The following PSG3 variants were observed in gnomAD, a reference collection of about 807,000 sequenced individuals.
The protein encoded by PSG3 is pregnancy-specific beta-1-glycoprotein 3.
PSG3 carries 61 observed loss-of-function variants against 47.5 expected under a neutral mutation model. The ratio of observed to expected loss-of-function variants is 1.28; its 90% CI spans 1.05 to 1.59. The LOEUF is 1.59. Ranked by LOEUF, PSG3 falls within the 40% of genes most tolerant of loss-of-function variation. PSG3 has a pLI of 0.00. For synonymous variants in PSG3, 263 were observed against 198.4 expected, an observed-to-expected ratio of 1.33 and a Z score of -2.74; for missense variants, 756 against 524.0, an observed-to-expected ratio of 1.44 and a Z score of -4.32.
chr19:42,726,318 A>G (rs1969377382), intron 5 of PSG3, among the ~76,000 whole-genome samples: 1 of 133,590 alleles, frequency 7.5e-6, no homozygotes, highest in Non-Finnish European at 1.6e-5. Flanking sequence ...AATTTAAAAA[A>G]AGACGTTAAA....
At chr19:42,726,437 A>T (rs1568746610) in intron 5 of PSG3, among the ~76,000 whole-genome samples, 3 of 152,240 alleles carry the variant, frequency 2.0e-5, no homozygotes, top group Admixed American at 1.3e-4. Context: ...AAATTCAGTA[A>T]TGTTGCACAA....
intron 3 of PSG3, among the ~76,000 whole-genome samples, chr19:42,731,537 T>C (rs1969473623): frequency 6.6e-6 from 1 of 152,192 alleles, no homozygotes; most frequent in African/African-American, 2.4e-5. Flanking sequence ...ATTGCTATTT[T>C]CTATGTCATC....
intron 4 of PSG3, 142 bp downstream of exon 4, chr19:42,729,636 C>T: frequency 6.6e-7 from 1 of 1,526,264 alleles, no homozygotes; most frequent in South Asian, 1.3e-5. Context: ...CAGATCTTCC[C>T]AGGGCAGGAA....
At chr19:42,723,626 T>C (rs371618034) in intron 6 of PSG3, among the ~76,000 whole-genome samples, 1 of 152,270 alleles carries the variant, frequency 6.6e-6, no homozygotes, top group African/African-American at 2.4e-5. Flanking sequence ...TTTATGGGAA[T>C]GGAGAGAATT....
intron 2 of PSG3, among the ~76,000 whole-genome samples, chr19:42,738,382 G>T (rs1978605637): frequency 6.6e-6 from 1 of 152,172 alleles, no homozygotes; most frequent in Admixed American, 6.5e-5. Context: ...TATTTCATGG[G>T]GCCCCTGAGG....
rs533408346 is a variant in PSG3 at position 42,733,191 on chromosome 19, G to A, written c.431-129C>T. The stretch of plus-strand genomic sequence containing the variant: ...GTCCTTAAAAGCCCATGGCAGGTGT[G>A]TGTGTTACAAGACAGATGCATGGCA... On this transcript the variant is annotated intron_variant, in intron 2 of 6. Transcript: ENST00000327495. 148 of 1,498,582 alleles carry A rather than the reference G, an allele frequency of 9.9e-5. 1 individual carries two copies. In the South Asian group the frequency reaches 1.9e-3, roughly 19 times the overall value. 92.8% of individuals were successfully genotyped at this position (1,498,582 alleles called of 1,614,324 possible). A position where few individuals can be genotyped will look rare whatever the true frequency, so the allele number is the denominator to read the frequency against.
At chr19:42,730,757 G>A (rs1218332618) in intron 3 of PSG3, among the ~76,000 whole-genome samples, 1 of 152,218 alleles carries the variant, frequency 6.6e-6, no homozygotes, top group Non-Finnish European at 1.5e-5. Context: ...GGCAAGAGCT[G>A]GTGGCTTTGG....
At chr19:42,723,168 A>C (rs947740353) in intron 6 of PSG3, among the ~76,000 whole-genome samples, 2 of 152,220 alleles carry the variant, frequency 1.3e-5, no homozygotes, top group African/African-American at 4.8e-5. Context: ...CATCAGGAAA[A>C]GATCTCAACC....
chr19:42,731,567 T>C (rs994603936), intron 3 of PSG3, among the ~76,000 whole-genome samples: 2 of 152,122 alleles, frequency 1.3e-5, no homozygotes, highest in African/African-American at 4.8e-5. Flanking sequence ...CACCTTTTCA[T>C]GGTTGCCTCT....
chr19:42,727,588 T>A (rs1298079983), intron 5 of PSG3, among the ~76,000 whole-genome samples: 1 of 152,202 alleles, frequency 6.6e-6, no homozygotes, highest in Non-Finnish European at 1.5e-5. Flanking sequence ...AGGATGGTTT[T>A]GATAAACAAC....
At chr19:42,726,074 A>G (rs1365271029) in intron 5 of PSG3, among the ~76,000 whole-genome samples, 3 of 152,144 alleles carry the variant, frequency 2.0e-5, no homozygotes, top group Admixed American at 2.0e-4. Context: ...ATAAGATTGA[A>G]TCAATAAAAC....
At chr19:42,740,196 C>G in intron 1 of PSG3, 125 bp downstream of exon 1, 1 of 1,580,742 alleles carries the variant, frequency 6.3e-7, no homozygotes, top group Non-Finnish European at 8.6e-7. Flanking sequence ...TCGTGATCCA[C>G]CCTCCTCAGC....
intron 2 of PSG3, among the ~76,000 whole-genome samples, chr19:42,735,661 A>G (rs1969551682): frequency 6.6e-6 from 1 of 152,184 alleles, no homozygotes; most frequent in Admixed American, 6.5e-5. Flanking sequence ...GTGCCCAGCC[A>G]TCTCTGAGGG....
intron 5 of PSG3, among the ~76,000 whole-genome samples, chr19:42,726,536 A>G (rs144088936): frequency 4.6e-5 from 7 of 152,232 alleles, no homozygotes; most frequent in Admixed American, 4.6e-4. Context: ...ATTTCAATTT[A>G]TATTAACATC....
At chr19:42,730,750 A>G (rs1274074232) in intron 3 of PSG3, among the ~76,000 whole-genome samples, 1 of 152,226 alleles carries the variant, frequency 6.6e-6, no homozygotes, top group African/African-American at 2.4e-5. Flanking sequence ...GGTGACAGGC[A>G]AGAGCTGGTG....
At position 42,737,275 on chromosome 19, in the gene PSG3, A is replaced by G. The variant is rs145751407; in HGVS notation, c.430+1449T>C. ...AAGGACAAGGGACAGGTGTGGCTAGAACCTCCTAGGATTCTGCATGCAAAT... is the reference window on the plus strand; with the variant it reads ...AAGGACAAGGGACAGGTGTGGCTAGGACCTCCTAGGATTCTGCATGCAAAT... On this transcript the variant is annotated intron_variant, in intron 2 of 6. Transcript: ENST00000327495. Among the ~76,000 whole-genome samples, 1,309 of 152,216 alleles carry G rather than the reference A, an allele frequency of 8.6e-3. 18 individuals carry two copies. The highest frequency in any genetic ancestry group is 0.03 in the African/African-American group (1,229 of 41,538).
chr19:42,726,518 GA>G (rs1316585019), intron 5 of PSG3, among the ~76,000 whole-genome samples: 7 of 151,656 alleles, frequency 4.6e-5, no homozygotes, highest in Middle Eastern at 3.4e-3. Flanking sequence ...GGGAAATTAA[GA>G]AAAAAAATTT....
Position 42,729,174 on chromosome 19 carries a change from T to C in PSG3, c.1192A>G (p.Asn398Asp), listed in dbSNP as rs1245930534. The change falls in exon 5 of 7, where the codon AAC (asparagine) becomes GAC (aspartate). Residue 398 changes from asparagine to aspartate, a missense_variant. By Grantham distance (23) the Asn-to-Asp change is conservative. Transcript: ENST00000327495. Reference protein sequence around the residue: ...HSGLYACSVRNSATGMESSKS... With the variant: ...HSGLYACSVRDSATGMESSKS... ...GAGCTTTCCATGCCAGTGGCTGAGT[T>C]ACGAACAGAGCAAGCATAGAGCCCG... is the stretch of plus-strand genomic sequence containing the variant. 6.8e-6 allele frequency: 11 copies of C among 1,613,864 alleles called. No homozygotes were observed. The highest frequency in any genetic ancestry group is 8.5e-6 in the Non-Finnish European group (10 of 1,179,866).
rs201063467 is a variant in PSG3, at chr19:42,729,300, C to T, written c.1066G>A (p.Ala356Thr). The T allele has an allele frequency of 1.5e-5, 25 of 1,614,078 alleles. No homozygotes were observed. Among genetic ancestry groups the T allele is most frequent in the Middle Eastern group, 1.6e-4 (1 of 6,062 alleles). ...TATTCTGCTGGTGGGTTAGAGTCCG[C>T]GAAGCAGGACAAGTAGAGGTTTTCT... is the stretch of plus-strand genomic sequence containing the variant. ...SGENLYLSCFADSNPPAEYSW... is the reference protein window; with the variant it reads ...SGENLYLSCFTDSNPPAEYSW... The change falls in exon 5 of 7, where the codon GCG becomes ACG. Residue 356 changes from alanine (A) to threonine (T), a missense_variant. Transcript: ENST00000327495.
Sources: gnomAD v4.1 joint callset for allele counts (sites outside exome capture counted in the v4.1 genomes callset) on GRCh38, gnomAD v4.1.1 for gene constraint, MANE v1.5 for transcripts, NCBI Gene and HGNC (gene_info 2026-07-23, HGNC 2026-07-21) for gene names.